CYP19A1: variants seen among roughly 807,000 people sequenced by gnomAD.
CYP19A1 encodes aromatase.
A neutral mutation model predicts 44.4 loss-of-function variants in CYP19A1; 32 were observed. That is an observed-to-expected ratio of 0.72 (90% CI 0.54 to 0.97). CYP19A1 has a LOEUF of 0.97. Among genes scored for constraint, CYP19A1 ranks in the 50% least tolerant of loss-of-function variants. The probability of loss-of-function intolerance (pLI) is 0.00; values close to 1 mark genes in which losing one functional copy is unlikely to be tolerated. For missense variants in CYP19A1, 598 were observed against 637.8 expected, an observed-to-expected ratio of 0.94 and a Z score of 0.67; for synonymous variants, 212 against 215.6, an observed-to-expected ratio of 0.98 and a Z score of 0.14.
At chr15:51,277,500 T>C (rs147763928) in intron 1 of CYP19A1, 26 of 152,334 alleles carry the variant, frequency 1.7e-4, no homozygotes, top group African/African-American at 6.3e-4. Flanking sequence ...CTTGAACACT[T>C]GCAACAAAAG....
At chr15:51,317,575 G>A (rs1311774901) in intron 1 of CYP19A1, among the ~76,000 whole-genome samples, 2 of 152,346 alleles carry the variant, frequency 1.3e-5, no homozygotes, top group South Asian at 2.1e-4. Context: ...ATTTGGGCAA[G>A]AACATTCACC....
rs192826822 is a variant in CYP19A1, at chr15:51,287,763, C to T, written c.-38-44813G>A. ...CTGGGGCTAACACTATAAAATGGAA[C>T]AGAAGTACCACCTCCTTGGTGTCTG... On this transcript the variant is annotated intron_variant, in intron 1 of 9. Transcript: ENST00000396402. Among the ~76,000 whole-genome samples, 6 of 152,316 alleles carry T rather than the reference C, an allele frequency of 3.9e-5. No individual in the cohort carries two copies. In the East Asian group the frequency reaches 1.2e-3, roughly 29 times the overall value.
At chr15:51,268,512 G>A (rs887904056) in intron 1 of CYP19A1, among the ~76,000 whole-genome samples, 1 of 107,402 alleles carries the variant, frequency 9.3e-6, no homozygotes, top group African/African-American at 3.5e-5. Flanking sequence ...CATTTCCATC[G>A]TTTCCTTCCC....
intron 1 of CYP19A1, among the ~76,000 whole-genome samples, chr15:51,306,482 C>T (rs575286669): frequency 4.4e-4 from 66 of 151,606 alleles, no homozygotes; most frequent in Admixed American, 1.8e-3. Context: ...ATTTCTTTAA[C>T]GTTGGAAATA....
At chr15:51,237,456 C>T (rs1410962287) in intron 2 of CYP19A1, among the ~76,000 whole-genome samples, 1 of 152,154 alleles carries the variant, frequency 6.6e-6, no homozygotes, top group South Asian at 2.1e-4. Context: ...CCGGTTGACA[C>T]AATGGGTGGG....
At chr15:51,252,712 G>A (rs1006689675) in intron 1 of CYP19A1, among the ~76,000 whole-genome samples, 1 of 152,122 alleles carries the variant, frequency 6.6e-6, no homozygotes, top group African/African-American at 2.4e-5. Context: ...GAGGGCACAC[G>A]GAGTGTGCGC....
chr15:51,245,406 A>G (rs1401029430), intron 1 of CYP19A1, among the ~76,000 whole-genome samples: 2 of 152,232 alleles, frequency 1.3e-5, no homozygotes, highest in African/African-American at 4.8e-5. Flanking sequence ...TTAGTTACAT[A>G]CGTATACATG....
At chr15:51,332,076 T>G (rs1170735550) in intron 1 of CYP19A1, among the ~76,000 whole-genome samples, 1 of 152,156 alleles carries the variant, frequency 6.6e-6, no homozygotes, top group Non-Finnish European at 1.5e-5. Context: ...TTGCTTCTAT[T>G]TTACTTAATA....
intron 1 of CYP19A1, among the ~76,000 whole-genome samples, chr15:51,336,564 A>G (rs959448686): frequency 1.4e-4 from 21 of 152,296 alleles, no homozygotes; most frequent in Admixed American, 3.9e-4. Flanking sequence ...GTAGCTGTCA[A>G]TCTCATCACT....
chr15:51,317,212 C>G (rs753823175), intron 1 of CYP19A1, among the ~76,000 whole-genome samples: 7 of 152,098 alleles, frequency 4.6e-5, no homozygotes, highest in Non-Finnish European at 8.8e-5. Flanking sequence ...CGCCATTCTC[C>G]TGTCTCAGCC....
chr15:51,285,852 G>A (rs2035680083), intron 1 of CYP19A1, among the ~76,000 whole-genome samples: 2 of 152,140 alleles, frequency 1.3e-5, no homozygotes, highest in Non-Finnish European at 2.9e-5. Context: ...CTCAAACTGT[G>A]TTTTCTCATT....
At chr15:51,238,478 A>G (rs1329231021) in intron 2 of CYP19A1, among the ~76,000 whole-genome samples, 4 of 152,188 alleles carry the variant, frequency 2.6e-5, no homozygotes, top group Non-Finnish European at 5.9e-5. Flanking sequence ...AATATAAAGG[A>G]TGAAGTTTTA....
chr15:51,234,651 A>G (rs901764012), intron 3 of CYP19A1, among the ~76,000 whole-genome samples: 1 of 152,062 alleles, frequency 6.6e-6, no homozygotes, highest in Non-Finnish European at 1.5e-5. Context: ...CATAAGACAA[A>G]ACCAGTCCTG....
chr15:51,276,119 G>T (rs928009510), intron 1 of CYP19A1, among the ~76,000 whole-genome samples: 1 of 152,182 alleles, frequency 6.6e-6, no homozygotes, highest in Non-Finnish European at 1.5e-5. Context: ...CCATTTATAT[G>T]CAGGCATGTG....
At chr15:51,299,303 A>G (rs2036064655) in intron 1 of CYP19A1, among the ~76,000 whole-genome samples, 1 of 152,244 alleles carries the variant, frequency 6.6e-6, no homozygotes, top group Admixed American at 6.5e-5. Context: ...CTCAGCTGAC[A>G]GATGTTTTGG....
chr15:51,302,326 GC>G (rs1304879015), intron 1 of CYP19A1, among the ~76,000 whole-genome samples: 3 of 152,164 alleles, frequency 2.0e-5, no homozygotes, highest in Non-Finnish European at 4.4e-5. Context: ...GAGGGAATTC[GC>G]TGACCAAGAG....
chr15:51,248,959 T>C (rs112628034), intron 1 of CYP19A1, among the ~76,000 whole-genome samples: 31 of 150,084 alleles, frequency 2.1e-4, no homozygotes, highest in African/African-American at 7.1e-4. Flanking sequence ...TTAGACAGAG[T>C]CTTGCTCTGT....
In CYP19A1 at chr15:51,305,179, C is replaced by T. The variant is rs1458831196; in HGVS notation, c.-39+33316G>A. Among the ~76,000 whole-genome samples, 7 of 152,004 alleles carry T rather than the reference C, an allele frequency of 4.6e-5. No individual in the cohort carries two copies. The East Asian group carries it at 7.7e-4, about 17-fold the overall frequency. The stretch of plus-strand genomic sequence containing the variant: ...CCTCCCAAAGTGCTGGGATCACAGG[C>T]GTGATCCATCGCGCCCGGCCACGTC... On this transcript the variant is annotated intron_variant, in intron 1 of 9. Transcript: ENST00000396402.
At chr15:51,313,013 G>A (rs2036345132) in intron 1 of CYP19A1, 3 of 152,248 alleles carry the variant, frequency 2.0e-5, no homozygotes, top group Admixed American at 1.3e-4. Flanking sequence ...TCCCACTCTT[G>A]CACCTTCATG....
Sources: allele counts gnomAD v4.1 joint callset (sites outside exome capture counted in the v4.1 genomes callset), GRCh38; gene constraint gnomAD v4.1.1; transcripts MANE v1.5; gene names NCBI Gene and HGNC (gene_info 2026-07-23, HGNC 2026-07-21).